The following CD48 variants were observed in gnomAD, a reference collection of about 807,000 sequenced individuals.
CD48 encodes CD48 antigen.
Under a neutral mutation model 22.0 loss-of-function variants are expected in CD48, and 20 were observed. The observed-to-expected ratio is 0.91, with a 90% CI of 0.64 to 1.32. The LOEUF (loss-of-function observed/expected upper bound fraction) is 1.32, where lower values mean the gene tolerates loss of function less well. Ranked by LOEUF, CD48 falls within the 40% of genes most tolerant of loss-of-function variation. The probability of loss-of-function intolerance (pLI) is 0.00; values close to 1 mark genes in which losing one functional copy is unlikely to be tolerated. For missense variants in CD48, 307 were observed against 286.5 expected (o/e 1.07, Z -0.52); for synonymous variants, 110 against 110.1 (o/e 1.00, Z 0.01).
intron 3 of CD48, chr1:160,680,532 C>T: frequency 1.0e-6 from 1 of 983,428 alleles, no homozygotes; most frequent in Non-Finnish European, 1.2e-6. Context: ...GTATGACTGA[C>T]TCTAAAACCC....
chr1:160,693,132 T>C (rs1353923235), intron 1 of CD48, among the ~76,000 whole-genome samples: 1 of 152,266 alleles, frequency 6.6e-6, no homozygotes, highest in Non-Finnish European at 1.5e-5. Context: ...AATGAGGCCA[T>C]TGAGCAAGTT....
chr1:160,693,260 C>T (rs1486612356), intron 1 of CD48, among the ~76,000 whole-genome samples: 4 of 152,214 alleles, frequency 2.6e-5, no homozygotes, highest in African/African-American at 7.2e-5. Context: ...GGCAAGGCTC[C>T]AAGATGTTGC....
At chr1:160,692,603 G>A (rs9793987) in intron 1 of CD48, among the ~76,000 whole-genome samples, 42,676 of 151,944 alleles carry the variant, frequency 0.28, 6,941 homozygotes, top group Non-Finnish European at 0.38. Context: ...GCACCACAGG[G>A]CAGGGAGCCA....
chr1:160,679,504 C>T (rs1435983065), intron 3 of CD48, among the ~76,000 whole-genome samples: 2 of 152,100 alleles, frequency 1.3e-5, no homozygotes, highest in Non-Finnish European at 2.9e-5. Context: ...AGAAAAGGAC[C>T]ACTTCCTTTC....
intron 1 of CD48, among the ~76,000 whole-genome samples, chr1:160,708,918 T>G (rs1437541306): frequency 6.6e-6 from 1 of 152,170 alleles, no homozygotes; most frequent in Non-Finnish European, 1.5e-5. Context: ...GGACACCAAC[T>G]CTGGGAGGCT....
At position 160,711,818 on chromosome 1, in the gene CD48, A is replaced by G; in HGVS notation, c.-55T>C. 2.2e-6 allele frequency: 3 copies of G among 1,347,174 alleles called. No homozygotes were observed. The South Asian group carries it at 3.5e-5, about 16-fold the overall frequency. The allele number at this position is 1,347,174 out of a possible 1,614,324, so 83.5% of individuals were successfully genotyped here. ...GGAGACAGTTGAGAGCCTGGCTAGA[A>G]AAAGGCCGGGGCTAAAAACGGAACT... On this transcript the variant is annotated 5_prime_UTR_variant, in exon 1 of 4. Coordinates refer to ENST00000368046, the MANE Select transcript of CD48 (RefSeq NM_001778.4).
intron 1 of CD48, among the ~76,000 whole-genome samples, chr1:160,687,679 C>T (rs1171248339): frequency 6.6e-6 from 1 of 152,176 alleles, no homozygotes; most frequent in Non-Finnish European, 1.5e-5. Flanking sequence ...CTTGTTCATT[C>T]TCTTGATTTT....
intron 3 of CD48, chr1:160,680,541 C>A: frequency 8.1e-6 from 8 of 988,272 alleles, no homozygotes; most frequent in Non-Finnish European, 9.6e-6. Flanking sequence ...ACTCTAAAAC[C>A]CATGGCCTTA....
chr1:160,691,293 C>T (rs1226410064), intron 1 of CD48, among the ~76,000 whole-genome samples: 1 of 152,122 alleles, frequency 6.6e-6, no homozygotes, highest in Non-Finnish European at 1.5e-5. Flanking sequence ...TCCCGCCCAT[C>T]CCTGGGCAAT....
Position 160,685,205 on chromosome 1 carries a change from A to G in CD48, c.83-16T>C. The G allele has an allele frequency of 6.3e-7, 1 of 1,592,788 alleles. No homozygotes were observed. Among genetic ancestry groups the G allele is most frequent in the African/African-American group, 1.3e-5 (1 of 74,574 alleles). On this transcript the variant is annotated splice_polypyrimidine_tract_variant and intron_variant, in intron 1 of 3. Coordinates refer to ENST00000368046, the MANE Select transcript of CD48 (RefSeq NM_001778.4). ...ACCAAGTGACCTGCCAATGAGATTC[A>G]GAGTGAGACCTGCGCTAGAGGAGGC...
At chr1:160,704,416 G>A (rs1330886192) in intron 1 of CD48, among the ~76,000 whole-genome samples, 1 of 149,082 alleles carries the variant, frequency 6.7e-6, no homozygotes, top group African/African-American at 2.5e-5. Context: ...ATGTATGAGG[G>A]TTGCAAACTC....
intron 1 of CD48, among the ~76,000 whole-genome samples, chr1:160,688,737 G>T (rs549764684): frequency 6.6e-6 from 1 of 152,132 alleles, no homozygotes; most frequent in Non-Finnish European, 1.5e-5. Context: ...ACGAGGCTTG[G>T]GGGGCGGGTA....
chr1:160,687,349 G>A (rs1462984776), intron 1 of CD48, among the ~76,000 whole-genome samples: 1 of 152,048 alleles, frequency 6.6e-6, no homozygotes, highest in Non-Finnish European at 1.5e-5. Flanking sequence ...ATTATCACAT[G>A]GTCCTGAGGT....
chr1:160,689,135 G>GTT (rs1662101510), intron 1 of CD48, among the ~76,000 whole-genome samples: 1 of 152,144 alleles, frequency 6.6e-6, no homozygotes. Flanking sequence ...TGTAGCTGAT[G>GTT]TTTTCGGAAG....
chr1:160,696,195 G>A (rs529745601), intron 1 of CD48, among the ~76,000 whole-genome samples: 1,262 of 150,806 alleles, frequency 8.4e-3, no homozygotes, highest in African/African-American at 0.029. Flanking sequence ...CATATCAATC[G>A]GCTCAAAGAG....
intron 1 of CD48, among the ~76,000 whole-genome samples, chr1:160,690,354 C>T (rs1662165151): frequency 6.6e-6 from 1 of 152,174 alleles, no homozygotes; most frequent in Non-Finnish European, 1.5e-5. Flanking sequence ...GCCAAAGGAG[C>T]TAACATGAGT....
chr1:160,692,365 A>C (rs1351827038), intron 1 of CD48: 1 of 152,194 alleles, frequency 6.6e-6, no homozygotes, highest in African/African-American at 2.4e-5. Context: ...ATATCCTGAA[A>C]CATTAAAATT....
chr1:160,694,729 C>T (rs889484025), intron 1 of CD48, among the ~76,000 whole-genome samples: 2 of 151,958 alleles, frequency 1.3e-5, no homozygotes, highest in South Asian at 2.1e-4. Context: ...AAATAAATCA[C>T]GGAAGAGAAG....
intron 3 of CD48, 87 bp from the exon 4 acceptor site, chr1:160,679,218 T>C: frequency 9.8e-7 from 1 of 1,021,208 alleles, no homozygotes; most frequent in South Asian, 1.3e-5. Flanking sequence ...GACACTGGTG[T>C]GGGAGCTCAC....
Sources: allele counts gnomAD v4.1 joint callset (sites outside exome capture counted in the v4.1 genomes callset), GRCh38; gene constraint gnomAD v4.1.1; transcripts MANE v1.5; gene names NCBI Gene and HGNC (gene_info 2026-07-23, HGNC 2026-07-21).